The following ABCA13 variants were observed in gnomAD, a reference collection of about 807,000 sequenced individuals.
The protein encoded by ABCA13 is ATP-binding cassette sub-family A member 13.
A neutral mutation model predicts 478.7 loss-of-function variants in ABCA13; 476 were observed. That is an observed-to-expected ratio of 0.99 (90% confidence interval 0.92 to 1.07). The LOEUF (loss-of-function observed/expected upper bound fraction) is 1.07. Ranked by LOEUF, ABCA13 falls within the 50% of genes least tolerant of loss-of-function variation. The pLI is 0.00. For missense variants in ABCA13, 6,060 were observed against 5,910.6 expected (o/e 1.03, Z -0.83); for synonymous variants, 2,252 against 2,158.9 (o/e 1.04, Z -1.20).
At chr7:48,220,528 C>A (rs576898985) in intron 4 of ABCA13, among the ~76,000 whole-genome samples, 1 of 152,140 alleles carries the variant, frequency 6.6e-6, no homozygotes, top group Admixed American at 6.5e-5. Flanking sequence ...TTGGCAGAAA[C>A]ATGAAGAATG....
chr7:48,243,969 C>T (rs1256528077), intron 10 of ABCA13, among the ~76,000 whole-genome samples: 3 of 152,246 alleles, frequency 2.0e-5, no homozygotes, highest in Admixed American at 6.5e-5. Context: ...CTCCCTCTCC[C>T]GTATTTATTC....
chr7:48,502,381 G>C (rs1230099633), intron 48 of ABCA13, among the ~76,000 whole-genome samples: 1 of 152,236 alleles, frequency 6.6e-6, no homozygotes, highest in Non-Finnish European at 1.5e-5. Context: ...TCTTTCAGCA[G>C]TGACTGTCAT....
At chr7:48,390,154 A>G (rs921274671) in intron 37 of ABCA13, among the ~76,000 whole-genome samples, 9 of 152,200 alleles carry the variant, frequency 5.9e-5, no homozygotes, top group Non-Finnish European at 1.2e-4. Context: ...CCCTGCTTTT[A>G]CTAAGACACA....
At chr7:48,409,174 A>T (rs1818660807) in intron 39 of ABCA13, among the ~76,000 whole-genome samples, 1 of 152,170 alleles carries the variant, frequency 6.6e-6, no homozygotes, top group African/African-American at 2.4e-5. Context: ...TCAGTCAATG[A>T]GTTTCTTTCT....
intron 43 of ABCA13, among the ~76,000 whole-genome samples, chr7:48,459,437 A>T (rs1477070309): frequency 6.6e-6 from 1 of 152,104 alleles, no homozygotes. Flanking sequence ...GGAAATGGAA[A>T]CTACCTTCCT....
chr7:48,536,208 T>C (rs1358325357), intron 55 of ABCA13, among the ~76,000 whole-genome samples: 1 of 152,226 alleles, frequency 6.6e-6, no homozygotes, highest in Non-Finnish European at 1.5e-5. Context: ...ATCAAAACAA[T>C]GTTAAATGGC....
chr7:48,580,133 T>C, intron 55 of ABCA13, 91 bp from the exon 56 acceptor site: 3 of 1,315,110 alleles, frequency 2.3e-6, no homozygotes, highest in Non-Finnish European at 2.0e-6. Context: ...TAAACTGCAG[T>C]GGACTTGTTA....
chr7:48,355,624 G>C (rs1346989636), intron 31 of ABCA13, among the ~76,000 whole-genome samples: 3 of 152,032 alleles, frequency 2.0e-5, no homozygotes, highest in Non-Finnish European at 4.4e-5. Flanking sequence ...ACCCAGGTGA[G>C]AGATGATGGT....
In ABCA13 at chr7:48,646,165, T is replaced by A. The variant is rs2131711965; in HGVS notation, c.*653T>A. The A allele has an allele frequency of 6.6e-6, 1 of 152,346 alleles. No individual in the cohort carries two copies. Among genetic ancestry groups the A allele is most frequent in the African/African-American group, 2.4e-5 (1 of 41,584 alleles). The allele number at this position is 152,346 out of a possible 1,614,324, so 9.4% of individuals were successfully genotyped here. ...GCAAAATTAATTAAATTGAACTAGT[T>A]ACTCTGTATCAATTACAGTAGTTCT... On this transcript the variant is annotated 3_prime_UTR_variant, in exon 62 of 62. Coordinates refer to ENST00000435803, the MANE Select transcript of ABCA13 (RefSeq NM_152701.5).
Position 48,511,208 on chromosome 7 carries a change from T to C in ABCA13, c.13640+9T>C. The C allele has an allele frequency of 6.3e-7, 1 of 1,596,966 alleles. No individual in the cohort carries two copies. The highest frequency in any genetic ancestry group is 8.6e-7 in the Non-Finnish European group (1 of 1,168,866). On this transcript the variant is annotated intron_variant, in intron 51 of 61. Transcript: ENST00000435803. ...CTGCTGTCACTTTTCGGGTATGTGA[T>C]GAGAAACGCTGCTGCAGAATTACGG...
chr7:48,271,835 C>T lies in ABCA13; in HGVS notation c.2169C>T (p.His723=), dbSNP rs1330057802. ...TTCTAATGATGGAAAAGAAGTTGCA[C>T]ACCCTTGAGGATGAACAAATGAACT... ...KHLLMMEKKL[H]TLEDEQMNFL... The change falls in exon 17 of 62, where the codon CAC becomes CAT. Residue 723 remains histidine (H), a synonymous_variant. Transcript: ENST00000435803. 6.4e-6 allele frequency: 10 copies of T among 1,566,636 alleles called. No homozygotes were observed. The highest frequency in any genetic ancestry group is 2.3e-5 in the East Asian group (1 of 43,092).
At chr7:48,208,734 A>G (rs183036708) in intron 3 of ABCA13, among the ~76,000 whole-genome samples, 111 of 152,220 alleles carry the variant, frequency 7.3e-4, no homozygotes, top group Non-Finnish European at 8.7e-4. Context: ...TCTAAATATG[A>G]GATCATGTTA....
chr7:48,495,953 AAT>A (rs1371505834), intron 48 of ABCA13, among the ~76,000 whole-genome samples: 5 of 152,122 alleles, frequency 3.3e-5, no homozygotes, highest in Admixed American at 3.3e-4. Context: ...ATGTTTACAT[AAT>A]ATATCTTTCC....
Position 48,615,084 on chromosome 7 carries a change from T to G in ABCA13, c.14745-201T>G, listed in dbSNP as rs563148907. ...AAATAAAAAAGAAAATACTGATTTT[T>G]TGTTAATTGTAAAATTGGCTGTCTA... On this transcript the variant is annotated intron_variant, in intron 58 of 61. Coordinates refer to ENST00000435803, the MANE Select transcript of ABCA13 (RefSeq NM_152701.5). 2.0e-5 allele frequency among the ~76,000 whole-genome samples: 3 copies of G among 151,306 alleles called. No homozygotes were observed. In the South Asian group the frequency reaches 6.3e-4, roughly 32 times the overall value.
At chr7:48,530,781 A>G (rs1402582925) in intron 55 of ABCA13, among the ~76,000 whole-genome samples, 2 of 151,964 alleles carry the variant, frequency 1.3e-5, no homozygotes, top group East Asian at 3.9e-4. Flanking sequence ...TCATTTGTCT[A>G]TCTTCTTTTG....
chr7:48,559,125 T>TC (rs1427942836), intron 55 of ABCA13, among the ~76,000 whole-genome samples: 1 of 152,150 alleles, frequency 6.6e-6, no homozygotes, highest in East Asian at 1.9e-4. Flanking sequence ...GGGGGTGAGT[T>TC]CCCCCAGGCC....
intron 15 of ABCA13, among the ~76,000 whole-genome samples, chr7:48,260,351 G>C (rs966493613): frequency 6.6e-6 from 1 of 152,034 alleles, no homozygotes. Context: ...GTTGATGATA[G>C]TTCTGTTTTA....
rs775903132 is a variant in ABCA13, at chr7:48,376,553, C to G, written c.11316C>G (p.Tyr3772Ter). 6.2e-7 allele frequency: 1 copy of G among 1,613,626 alleles called. No homozygotes were observed. The highest frequency in any genetic ancestry group is 1.7e-5 in the Admixed American group (1 of 59,988). The change falls in exon 35 of 62, where the codon TAC becomes TAG. Residue 3772 changes from tyrosine (Y) to a stop codon, truncating the protein, a stop_gained. Transcript: ENST00000435803. LOFTEE classifies it high-confidence loss of function. Reference protein sequence around the residue: ...DSSLYFLCGWYLSNLIPGTFG... With the variant: ...DSSLYFLCGW ...GCCTTTATTTTTTGTGTGGATGGTA[C>G]TTGAGCAACTTGATTCCTGGTAAGA...
chr7:48,355,081 G>A lies in ABCA13; in HGVS notation c.10688+2594G>A, dbSNP rs148197904. Among the ~76,000 whole-genome samples the A allele has an allele frequency of 2.6e-3, 383 of 145,482 alleles. 5 individuals are homozygous for A. The highest frequency in any genetic ancestry group is 9.1e-3 in the African/African-American group (366 of 40,278). On this transcript the variant is annotated intron_variant, in intron 31 of 61. Coordinates refer to ENST00000435803, the MANE Select transcript of ABCA13 (RefSeq NM_152701.5). Reference sequence around the variant, plus strand: ...AAAATAGGTAAAAATCCCTGCTCTTGTGAGACTTCCAGTCCAGGGAAGCAG... The same window carrying A: ...AAAATAGGTAAAAATCCCTGCTCTTATGAGACTTCCAGTCCAGGGAAGCAG...
Sources: gnomAD v4.1 joint callset for allele counts (sites outside exome capture counted in the v4.1 genomes callset) on GRCh38, gnomAD v4.1.1 for gene constraint, MANE v1.5 for transcripts, NCBI Gene and HGNC (gene_info 2026-07-23, HGNC 2026-07-21) for gene names.